CDH13: variants seen among roughly 807,000 people sequenced by gnomAD.
The protein encoded by CDH13 is cadherin 13.
Under a neutral mutation model 63.8 loss-of-function variants are expected in CDH13, and 24 were observed. That is an observed-to-expected ratio of 0.38 (90% confidence interval 0.27 to 0.53). The LOEUF (loss-of-function observed/expected upper bound fraction) is 0.53. CDH13 is among the 20% of genes least tolerant of loss of function. CDH13 has a pLI of 0.85. For synonymous variants in CDH13, 503 were observed against 355.3 expected, an observed-to-expected ratio of 1.42 and a Z score of -4.67; for missense variants, 1,049 against 903.1, an observed-to-expected ratio of 1.16 and a Z score of -2.07.
intron 7 of CDH13, among the ~76,000 whole-genome samples, chr16:83,527,821 A>G (rs1174254695): frequency 6.6e-6 from 1 of 152,244 alleles, no homozygotes. Context: ...AAGACTTTTG[A>G]GATCACTGGT....
intron 1 of CDH13, among the ~76,000 whole-genome samples, chr16:82,657,934 A>G (rs561526037): frequency 1.1e-4 from 16 of 152,328 alleles, no homozygotes; most frequent in Admixed American, 6.5e-4. Context: ...TGCATTAGCT[A>G]GGACTTCCAG....
At chr16:83,203,354 A>G (rs1233601608) in intron 4 of CDH13, among the ~76,000 whole-genome samples, 1 of 152,046 alleles carries the variant, frequency 6.6e-6, no homozygotes, top group African/African-American at 2.4e-5. Context: ...ACAAACCCAC[A>G]CATGTACCGC....
intron 1 of CDH13, among the ~76,000 whole-genome samples, chr16:82,847,318 A>T (rs1304072214): frequency 6.6e-6 from 1 of 152,228 alleles, no homozygotes; most frequent in Non-Finnish European, 1.5e-5. Flanking sequence ...CACTGGACTA[A>T]AATCAAGGTG....
intron 2 of CDH13, among the ~76,000 whole-genome samples, chr16:82,872,401 T>G (rs909198601): frequency 6.6e-6 from 1 of 152,222 alleles, no homozygotes; most frequent in Non-Finnish European, 1.5e-5. Flanking sequence ...ATTTCTGTTT[T>G]TCTTTAAGGA....
chr16:82,646,897 T>G (rs1910160047), intron 1 of CDH13, among the ~76,000 whole-genome samples: 1 of 152,164 alleles, frequency 6.6e-6, no homozygotes. Flanking sequence ...CAGGGGGTAA[T>G]GAAGAGGCTG....
At chr16:83,717,415 T>C (rs867649824) in intron 10 of CDH13, among the ~76,000 whole-genome samples, 2 of 152,244 alleles carry the variant, frequency 1.3e-5, no homozygotes, top group Non-Finnish European at 2.9e-5. Context: ...CTGAACTGCC[T>C]GGTTCACCGC....
intron 5 of CDH13, among the ~76,000 whole-genome samples, chr16:83,299,468 C>T (rs920679162): frequency 3.3e-5 from 5 of 152,194 alleles, no homozygotes; most frequent in African/African-American, 1.2e-4. Context: ...ACCATTCTTC[C>T]CCCAAGTCTC....
chr16:83,419,308 G>A (rs573120596), intron 6 of CDH13, among the ~76,000 whole-genome samples: 1 of 152,250 alleles, frequency 6.6e-6, no homozygotes, highest in African/African-American at 2.4e-5. Context: ...AAGGTATGCT[G>A]AATAATTGGT....
Position 82,638,844 on chromosome 16 carries a change from A to G in CDH13, c.45+11707A>G, listed in dbSNP as rs148845975. Among the ~76,000 whole-genome samples, 377 of 55,512 alleles carry G rather than the reference A, an allele frequency of 6.8e-3. 3 individuals are homozygous for G. The highest frequency in any genetic ancestry group is 0.016 in the African/African-American group (321 of 19,516). The allele number at this position is 55,512 out of a possible 152,430, so 36.4% of individuals were successfully genotyped here. ...TGTGTGCGTGTGTGCGTTTGTGTGCATGCACGCACCAGTGCCATGAGTACT... is the reference window on the plus strand; with the variant it reads ...TGTGTGCGTGTGTGCGTTTGTGTGCGTGCACGCACCAGTGCCATGAGTACT... On this transcript the variant is annotated intron_variant, in intron 1 of 13. Transcript: ENST00000567109.
chr16:83,253,456 G>T (rs16959919), intron 5 of CDH13, among the ~76,000 whole-genome samples: 7,952 of 152,290 alleles, frequency 0.052, 685 homozygotes, highest in African/African-American at 0.18. Context: ...AAATCTGTGT[G>T]GTCGTGTTGA....
intron 4 of CDH13, among the ~76,000 whole-genome samples, chr16:83,134,788 C>A (rs1266656125): frequency 6.6e-6 from 1 of 152,154 alleles, no homozygotes. Flanking sequence ...TAATTAATGA[C>A]AAAACATAAT....
At chr16:83,555,983 A>C (rs2075593285) in intron 7 of CDH13, among the ~76,000 whole-genome samples, 1 of 152,202 alleles carries the variant, frequency 6.6e-6, no homozygotes, top group South Asian at 2.1e-4. Context: ...GGGGGAAGTA[A>C]CACTGGTACC....
rs141380970 is a variant in CDH13, at chr16:83,347,623, A to G, written c.781+2617A>G. Among the ~76,000 whole-genome samples the G allele has an allele frequency of 2.9e-3, 441 of 152,268 alleles. 2 individuals carry two copies. The highest frequency in any genetic ancestry group is 0.01 in the African/African-American group (426 of 41,562). On this transcript the variant is annotated intron_variant, in intron 6 of 13. Coordinates refer to ENST00000567109, the MANE Select transcript of CDH13 (RefSeq NM_001257.5). ...CTTCCTGCCCTGAGAGGTGGCTACC[A>G]CTATCCCTATCTTACAGATGAGAAA...
chr16:83,097,333 A>G (rs1026228762), intron 3 of CDH13, among the ~76,000 whole-genome samples: 1 of 152,174 alleles, frequency 6.6e-6, no homozygotes. Flanking sequence ...TGTTCTTTGT[A>G]TTCCTTAAAA....
chr16:83,240,458 G>A (rs1022274031), intron 5 of CDH13, among the ~76,000 whole-genome samples: 1 of 152,004 alleles, frequency 6.6e-6, no homozygotes, highest in African/African-American at 2.4e-5. Flanking sequence ...GGAGGTTACT[G>A]AAGGAAACCA....
chr16:82,729,523 A>ATGG (rs1345290953), intron 1 of CDH13, among the ~76,000 whole-genome samples: 2 of 152,106 alleles, frequency 1.3e-5, no homozygotes, highest in Non-Finnish European at 2.9e-5. Flanking sequence ...GGTCTCAACA[A>ATGG]TGGGATTAAA....
At chr16:82,674,938 A>C (rs1038444449) in intron 1 of CDH13, among the ~76,000 whole-genome samples, 1 of 152,234 alleles carries the variant, frequency 6.6e-6, no homozygotes, top group Admixed American at 6.5e-5. Context: ...GATGGATATC[A>C]AAAAGCTATA....
intron 3 of CDH13, among the ~76,000 whole-genome samples, chr16:83,092,305 G>A (rs768006935): frequency 6.6e-6 from 1 of 152,192 alleles, no homozygotes; most frequent in African/African-American, 2.4e-5. Flanking sequence ...CTGTCACCGT[G>A]TTGATTTGTA....
At chr16:83,049,728 G>C (rs2030076820) in intron 3 of CDH13, among the ~76,000 whole-genome samples, 1 of 152,108 alleles carries the variant, frequency 6.6e-6, no homozygotes, top group Admixed American at 6.6e-5. Context: ...TATGTGGATG[G>C]ACCACAAATT....
Sources: allele counts gnomAD v4.1 joint callset (sites outside exome capture counted in the v4.1 genomes callset), GRCh38; gene constraint gnomAD v4.1.1; transcripts MANE v1.5; gene names NCBI Gene and HGNC (gene_info 2026-07-23, HGNC 2026-07-21).